Variants in OTOGL observed in about 807,000 individuals in gnomAD.
OTOGL encodes otogelin-like protein.
A neutral mutation model predicts 318.5 loss-of-function variants in OTOGL; 285 were observed. The observed-to-expected ratio is 0.89, with a 90% CI of 0.81 to 0.99. The LOEUF (loss-of-function observed/expected upper bound fraction) is 0.99, where lower values mean the gene tolerates loss of function less well. OTOGL is among the 50% of genes least tolerant of loss of function. The pLI is 0.00. For synonymous variants in OTOGL, 987 were observed against 936.5 expected (o/e 1.05, Z -0.99); for missense variants, 2,899 against 2,845.6 (o/e 1.02, Z -0.43).
At chr12:80,244,096 A>G (rs568331675) in intron 11 of OTOGL, among the ~76,000 whole-genome samples, 1 of 151,330 alleles carries the variant, frequency 6.6e-6, no homozygotes, top group African/African-American at 2.4e-5. Context: ...CAGTTTCTCC[A>G]TGCTAGTCTG....
At chr12:80,262,125 G>C in intron 19 of OTOGL, 32 bp downstream of exon 19, 3 of 1,584,884 alleles carry the variant, frequency 1.9e-6, no homozygotes, top group Non-Finnish European at 2.6e-6. Context: ...CCTTTCTGCT[G>C]TAAACTTAGG....
At chr12:80,362,940 A>G (rs1455332497) in intron 52 of OTOGL, among the ~76,000 whole-genome samples, 1 of 152,156 alleles carries the variant, frequency 6.6e-6, no homozygotes, top group Non-Finnish European at 1.5e-5. Flanking sequence ...AAATTGGTAT[A>G]TTTGGGGAGG....
At chr12:80,221,679 C>T (rs546824440) in intron 6 of OTOGL, among the ~76,000 whole-genome samples, 40 of 131,144 alleles carry the variant, frequency 3.1e-4, no homozygotes, top group Non-Finnish European at 6.3e-4. Flanking sequence ...CATAAAAAGA[C>T]GTTTTTGAAA....
chr12:80,183,936 AATTATAAT>A (rs914182000), intron 1 of OTOGL, among the ~76,000 whole-genome samples: 2 of 152,142 alleles, frequency 1.3e-5, no homozygotes, highest in African/African-American at 2.4e-5. Context: ...AGTGCTGTTG[AATTATAAT>A]ATCTGGATGT....
intron 27 of OTOGL, among the ~76,000 whole-genome samples, chr12:80,297,830 C>T (rs947514833): frequency 6.6e-6 from 1 of 152,156 alleles, no homozygotes; most frequent in Non-Finnish European, 1.5e-5. Flanking sequence ...TTACTATTAT[C>T]GCTTCTTCCT....
At chr12:80,198,957 T>C (rs1876275905) in intron 1 of OTOGL, among the ~76,000 whole-genome samples, 1 of 152,200 alleles carries the variant, frequency 6.6e-6, no homozygotes, top group Admixed American at 6.6e-5. Flanking sequence ...TACTGAGTGA[T>C]CTTGAAATTA....
In OTOGL at chr12:80,356,823, A is replaced by T. The variant is rs763075060; in HGVS notation, c.5928A>T (p.Lys1976Asn). ...TTTCTGCAGAATGTGACCCATTGAAATGCCCCAGTATTTCAACACCAGAAT... is the reference window on the plus strand; with the variant it reads ...TTTCTGCAGAATGTGACCCATTGAATTGCCCCAGTATTTCAACACCAGAAT... ...PQYKCECDPL[K>N]CPSISTPECR... Residue 1976 changes from lysine (K) to asparagine (N), a missense_variant, in exon 49 of 59, where the codon AAA becomes AAT. Transcript: ENST00000547103. 2.5e-6 allele frequency: 4 copies of T among 1,594,226 alleles called. No individual in the cohort carries two copies. The Admixed American group carries it at 7.0e-5, about 28-fold the overall frequency.
chr12:80,328,141 A>G (rs560328243), intron 35 of OTOGL, among the ~76,000 whole-genome samples: 14 of 151,564 alleles, frequency 9.2e-5, no homozygotes, highest in Non-Finnish European at 1.9e-4. Context: ...ACATGACGAA[A>G]CCTCATCTCT....
intron 1 of OTOGL, among the ~76,000 whole-genome samples, chr12:80,165,369 C>G (rs999385960): frequency 5.3e-5 from 8 of 152,102 alleles, no homozygotes; most frequent in Non-Finnish European, 1.0e-4. Flanking sequence ...CAACTATGTG[C>G]AAAGTATTAT....
intron 1 of OTOGL, among the ~76,000 whole-genome samples, chr12:80,112,705 C>CTTTTTTTTTTTTTTTTTTTTTTTTTTTTT (rs546093754): frequency 7.8e-6 from 1 of 128,670 alleles, no homozygotes; most frequent in African/African-American, 3.1e-5. Context: ...CTGAAATTTT[C>CTTTTTTTTTTTTTTTTTTTTTTTTTTTTT]TTTCTTTTTT....
chr12:80,170,489 A>T (rs937312125), intron 1 of OTOGL, among the ~76,000 whole-genome samples: 9 of 151,850 alleles, frequency 5.9e-5, no homozygotes, highest in Non-Finnish European at 1.2e-4. Flanking sequence ...GCTGGAGTAC[A>T]GTGGCGCGAT....
chr12:80,171,383 GTTCT>G (rs1183870328), intron 1 of OTOGL, among the ~76,000 whole-genome samples: 1 of 152,064 alleles, frequency 6.6e-6, no homozygotes, highest in Non-Finnish European at 1.5e-5. Flanking sequence ...CCTGGATGAG[GTTCT>G]TTGTTTGTTT....
chr12:80,362,566 G>C (rs1388197221), intron 52 of OTOGL, among the ~76,000 whole-genome samples: 1 of 152,180 alleles, frequency 6.6e-6, no homozygotes, highest in Non-Finnish European at 1.5e-5. Context: ...AGAGCAATTT[G>C]AGTAGTATAG....
intron 47 of OTOGL, among the ~76,000 whole-genome samples, 187 bp downstream of exon 47, chr12:80,356,135 T>C (rs189781078): frequency 4.6e-5 from 7 of 152,330 alleles, no homozygotes; most frequent in Non-Finnish European, 1.0e-4. Flanking sequence ...TATTCACAGT[T>C]AATAACACTC....
chr12:80,323,037 A>C (rs1887438775), intron 34 of OTOGL, among the ~76,000 whole-genome samples: 2 of 151,904 alleles, frequency 1.3e-5, no homozygotes, highest in Admixed American at 1.3e-4. Context: ...ATTACTTTGC[A>C]GAAAGTAAAA....
At position 80,219,806 on chromosome 12, in the gene OTOGL, C is replaced by G. The variant is rs1012527313; in HGVS notation, c.236-8C>G. 6.6e-7 allele frequency: 1 copy of G among 1,506,776 alleles called. No homozygotes were observed. Among genetic ancestry groups the G allele is most frequent in the African/African-American group, 1.5e-5 (1 of 68,412 alleles). 93.3% of individuals were successfully genotyped at this position (1,506,776 alleles called of 1,614,324 possible). ...AGAAGATAACTTTTTTTTTTTTTTC[C>G]CCCTCAGGTTCTTGTCCTTATGAAT... On this transcript the variant is annotated splice_polypyrimidine_tract_variant and splice_region_variant and intron_variant, in intron 5 of 58. Coordinates refer to ENST00000547103, the MANE Select transcript of OTOGL (RefSeq NM_001378609.3).
intron 11 of OTOGL, among the ~76,000 whole-genome samples, chr12:80,244,941 G>GT (rs1480170285): frequency 6.7e-6 from 1 of 148,378 alleles, no homozygotes; most frequent in Non-Finnish European, 1.5e-5. Context: ...TTTTTCATGT[G>GT]TTTTTTGGCT....
At chr12:80,150,714 G>A (rs1257797530) in intron 1 of OTOGL, among the ~76,000 whole-genome samples, 2 of 152,222 alleles carry the variant, frequency 1.3e-5, no homozygotes, top group Non-Finnish European at 2.9e-5. Context: ...TGAAGGGCAA[G>A]AGCCCTTTCC....
intron 27 of OTOGL, 84 bp downstream of exon 27, chr12:80,297,045 C>T: frequency 1.6e-6 from 2 of 1,243,370 alleles, no homozygotes; most frequent in East Asian, 2.7e-5. Context: ...GTCTACTCCT[C>T]TCTGTAAATG....
Sources: allele counts gnomAD v4.1 joint callset (sites outside exome capture counted in the v4.1 genomes callset), GRCh38; gene constraint gnomAD v4.1.1; transcripts MANE v1.5; gene names NCBI Gene and HGNC (gene_info 2026-07-23, HGNC 2026-07-21).